MAGI2: variants seen among roughly 807,000 people sequenced by gnomAD.
The protein encoded by MAGI2 is membrane-associated guanylate kinase, WW and PDZ domain-containing protein 2.
In MAGI2, 35 loss-of-function variants were observed where a neutral mutation model predicts 133.3. That is an observed-to-expected ratio of 0.26 (90% CI 0.20 to 0.35). MAGI2 has a LOEUF of 0.35. Among genes scored for constraint, MAGI2 ranks in the 10% least tolerant of loss-of-function variants. The pLI, the probability that MAGI2 is intolerant of heterozygous loss-of-function variation, is 1.00. For synonymous variants in MAGI2, 729 were observed against 710.6 expected (o/e 1.03, Z -0.41); for missense variants, 1,636 against 1,863.4 (o/e 0.88, Z 2.25).
At chr7:78,656,433 C>T (rs1374435627) in intron 2 of MAGI2, among the ~76,000 whole-genome samples, 2 of 152,044 alleles carry the variant, frequency 1.3e-5, no homozygotes, top group African/African-American at 4.8e-5. Flanking sequence ...AAATAAGCCA[C>T]ACACAGAAAG....
At chr7:78,433,637 CTGTTT>C (rs1379979571) in intron 6 of MAGI2, among the ~76,000 whole-genome samples, 1 of 151,950 alleles carries the variant, frequency 6.6e-6, no homozygotes, top group East Asian at 1.9e-4. Context: ...AGAGTGTTTT[CTGTTT>C]TATTTTCAAA....
intron 7 of MAGI2, among the ~76,000 whole-genome samples, chr7:78,351,118 G>A (rs1791463448): frequency 6.6e-6 from 1 of 152,150 alleles, no homozygotes; most frequent in East Asian, 1.9e-4. Context: ...GAGGTACATA[G>A]TGCTCAAATA....
chr7:79,092,027 A>C (rs1036949054), intron 1 of MAGI2, among the ~76,000 whole-genome samples: 1 of 152,072 alleles, frequency 6.6e-6, no homozygotes, highest in African/African-American at 2.4e-5. Context: ...GCTATACACT[A>C]TGCTAACCAG....
chr7:78,564,924 G>T (rs1319673851), intron 3 of MAGI2, among the ~76,000 whole-genome samples: 2 of 150,184 alleles, frequency 1.3e-5, no homozygotes, highest in East Asian at 4.0e-4. Context: ...CTCCCGAGCT[G>T]CTGGGACTAC....
At chr7:78,755,374 C>T (rs1488739064) in intron 2 of MAGI2, among the ~76,000 whole-genome samples, 1 of 152,072 alleles carries the variant, frequency 6.6e-6, no homozygotes, top group Non-Finnish European at 1.5e-5. Flanking sequence ...ATTCATATAA[C>T]GCAGTGGTTT....
At position 78,366,132 on chromosome 7, in the gene MAGI2, A is replaced by G. The variant is rs1230649354; in HGVS notation, c.1103+3024T>C. 2.6e-5 allele frequency among the ~76,000 whole-genome samples: 4 copies of G among 152,194 alleles called. No homozygotes were observed. In the East Asian group the frequency reaches 7.7e-4, roughly 29 times the overall value. On this transcript the variant is annotated intron_variant, in intron 7 of 21. Transcript: ENST00000354212. ...ACATAAGAATGATAGCTGTACAGAG[A>G]ATCCACTGCTCATTATCACTAATGG...
At chr7:78,238,742 C>T (rs1375871275) in intron 10 of MAGI2, among the ~76,000 whole-genome samples, 1 of 152,098 alleles carries the variant, frequency 6.6e-6, no homozygotes, top group Non-Finnish European at 1.5e-5. Flanking sequence ...TGCTCACCAA[C>T]AGTCTATTCT....
At chr7:78,752,109 T>C (rs1823509422) in intron 2 of MAGI2, among the ~76,000 whole-genome samples, 1 of 152,230 alleles carries the variant, frequency 6.6e-6, no homozygotes, top group Admixed American at 6.5e-5. Context: ...AGTGTTTTGC[T>C]CTGAATTCAA....
At chr7:78,627,087 A>G in intron 3 of MAGI2, 33 bp downstream of exon 3, 1 of 1,549,278 alleles carries the variant, frequency 6.5e-7, no homozygotes. Context: ...TGTGATGCCA[A>G]CAAGAAAGAT....
intron 6 of MAGI2, among the ~76,000 whole-genome samples, chr7:78,430,504 A>G (rs891770168): frequency 3.3e-5 from 5 of 151,992 alleles, no homozygotes; most frequent in African/African-American, 1.2e-4. Context: ...ATTTCTGAAT[A>G]TACTTAGTTT....
intron 16 of MAGI2, among the ~76,000 whole-genome samples, chr7:78,151,575 T>C (rs1823876176): frequency 6.6e-6 from 1 of 152,178 alleles, no homozygotes; most frequent in African/African-American, 2.4e-5. Flanking sequence ...TCCCTACCCC[T>C]GACTTGTTAG....
At chr7:79,440,519 C>A (rs1848429371) in intron 1 of MAGI2, among the ~76,000 whole-genome samples, 1 of 152,030 alleles carries the variant, frequency 6.6e-6, no homozygotes, top group Non-Finnish European at 1.5e-5. Flanking sequence ...TAGAATTTGA[C>A]TGAGCCTATG....
intron 1 of MAGI2, among the ~76,000 whole-genome samples, chr7:79,223,087 G>A (rs962316490): frequency 4.6e-5 from 7 of 151,844 alleles, no homozygotes; most frequent in Non-Finnish European, 1.0e-4. Context: ...GGGTTTTATC[G>A]TGTTAGCCAG....
At chr7:78,787,230 G>A (rs541733774) in intron 2 of MAGI2, among the ~76,000 whole-genome samples, 1 of 152,294 alleles carries the variant, frequency 6.6e-6, no homozygotes, top group African/African-American at 2.4e-5. Context: ...ACAGGCGTGA[G>A]CCATTGCGCC....
intron 4 of MAGI2, among the ~76,000 whole-genome samples, chr7:78,513,516 C>CA (rs77697072): frequency 0.16 from 24,792 of 152,092 alleles, 2,379 homozygotes; most frequent in South Asian, 0.38. Context: ...CCCAGGGACA[C>CA]AGGTGAAAAT....
At chr7:78,482,753 GAA>G in intron 6 of MAGI2, among the ~76,000 whole-genome samples, 2 of 151,728 alleles carry the variant, frequency 1.3e-5, no homozygotes, top group South Asian at 2.1e-4. Flanking sequence ...GATTGGTCAG[GAA>G]GAGGAGATAA....
At chr7:79,404,910 G>T (rs986610931) in intron 1 of MAGI2, among the ~76,000 whole-genome samples, 2 of 152,232 alleles carry the variant, frequency 1.3e-5, no homozygotes, top group East Asian at 1.9e-4. Context: ...GGAGACCAAA[G>T]GAGATATTTT....
intron 2 of MAGI2, among the ~76,000 whole-genome samples, chr7:78,748,494 A>G: frequency 6.6e-6 from 1 of 152,336 alleles, no homozygotes; most frequent in East Asian, 1.9e-4. Context: ...ATGCCAAGAC[A>G]TACACTATGA....
intron 1 of MAGI2, chr7:79,125,639 T>C (rs1820346635): frequency 1.9e-6 from 1 of 524,278 alleles, no homozygotes; most frequent in African/African-American, 1.9e-5. Context: ...GGAACTATGA[T>C]AATTTTGGAA....
Sources: allele counts gnomAD v4.1 joint callset (sites outside exome capture counted in the v4.1 genomes callset), GRCh38; gene constraint gnomAD v4.1.1; transcripts MANE v1.5; gene names NCBI Gene and HGNC (gene_info 2026-07-23, HGNC 2026-07-21).